TYW1B: variants seen among roughly 807,000 people sequenced by gnomAD.
The protein encoded by TYW1B is S-adenosyl-L-methionine-dependent tRNA 4-demethylwyosine synthase TYW1B.
TYW1B carries 73 observed loss-of-function variants against 86.9 expected under a neutral mutation model. That is an observed-to-expected ratio of 0.84 (90% CI 0.70 to 1.02). TYW1B has a LOEUF of 1.02. Among genes scored for constraint, TYW1B ranks in the 50% least tolerant of loss-of-function variants. The probability of loss-of-function intolerance (pLI) is 0.00; values close to 1 mark genes in which losing one functional copy is unlikely to be tolerated. For missense variants in TYW1B, 637 were observed against 827.4 expected (o/e 0.77, Z 2.82); for synonymous variants, 248 against 292.8 (o/e 0.85, Z 1.56).
intron 10 of TYW1B, among the ~76,000 whole-genome samples, chr7:72,713,038 C>T (rs1367870291): frequency 2.0e-5 from 3 of 152,072 alleles, no homozygotes; most frequent in Admixed American, 2.0e-4. Context: ...GTGGCTCACA[C>T]CTGTAATGCC....
At chr7:72,606,380 C>G (rs186323895) in intron 13 of TYW1B, among the ~76,000 whole-genome samples, 1 of 152,076 alleles carries the variant, frequency 6.6e-6, no homozygotes, top group South Asian at 2.1e-4. Context: ...CTGGTTATAA[C>G]GAGGCACCCC....
At chr7:72,733,517 CG>C (rs1787149194) in intron 8 of TYW1B, among the ~76,000 whole-genome samples, 1 of 152,004 alleles carries the variant, frequency 6.6e-6, no homozygotes, top group Non-Finnish European at 1.5e-5. Context: ...AAAAATTAGC[CG>C]GGCATGGTGG....
In TYW1B at chr7:72,683,568, T is replaced by TCAAAA. The variant is rs797023042; in HGVS notation, c.1506+11114_1506+11118dup. Reference sequence around the variant, plus strand: ...CTGAGTGACAGAGCAAGACTCCGACTCAAAACAAAACAAAACAAAACAAAA... The same window carrying TCAAAA: ...CTGAGTGACAGAGCAAGACTCCGACTCAAAACAAAACAAAACAAAACAAAACAAAA... On this transcript the variant is annotated intron_variant, in intron 11 of 13. Coordinates refer to ENST00000620995, the MANE Select transcript of TYW1B (RefSeq NM_001145440.3). 5.8e-4 allele frequency among the ~76,000 whole-genome samples: 89 copies of TCAAAA among 152,188 alleles called. 1 individual carries two copies. Among genetic ancestry groups the TCAAAA allele is most frequent in the South Asian group, 1.9e-3 (9 of 4,818 alleles).
chr7:72,760,786 G>A (rs1171604621), intron 7 of TYW1B, among the ~76,000 whole-genome samples: 1 of 152,136 alleles, frequency 6.6e-6, no homozygotes, highest in Non-Finnish European at 1.5e-5. Context: ...GTTTATATTT[G>A]TCTCTACTAG....
rs1554434911 is a variant in TYW1B at position 72,606,615 on chromosome 7, C to CCA, written c.1785+10056_1785+10057insTG. On this transcript the variant is annotated intron_variant, in intron 13 of 13. Coordinates refer to ENST00000620995, the MANE Select transcript of TYW1B (RefSeq NM_001145440.3). Reference sequence around the variant, plus strand: ...CACCCAGCAGCAATAAGGCCCCCCCCCCGCCTCCATCCTATAATGTCAGTG... The same window carrying CCA: ...CACCCAGCAGCAATAAGGCCCCCCCCCACCGCCTCCATCCTATAATGTCAGTG... 3.0e-4 allele frequency among the ~76,000 whole-genome samples: 45 copies of CCA among 149,078 alleles called. 1 individual carries two copies. The highest frequency in any genetic ancestry group is 1.7e-3 in the South Asian group (8 of 4,742).
chr7:72,584,760 T>C lies in TYW1B; in HGVS notation c.1786-9041A>G, dbSNP rs568027163. 3.3e-5 allele frequency among the ~76,000 whole-genome samples: 5 copies of C among 152,156 alleles called. No homozygotes were observed. In the East Asian group the frequency reaches 9.7e-4, roughly 29 times the overall value. On this transcript the variant is annotated intron_variant, in intron 13 of 13. Coordinates refer to ENST00000620995, the MANE Select transcript of TYW1B (RefSeq NM_001145440.3). ...CATGAGCCACCGCACCCGGCCTATA[T>C]TCCAAATTCTTAAGGTACTTCAACT...
intron 11 of TYW1B, among the ~76,000 whole-genome samples, chr7:72,669,948 TAAATAAATA>T (rs1813555584): frequency 1.3e-5 from 2 of 148,470 alleles, no homozygotes; most frequent in African/African-American, 5.0e-5. Flanking sequence ...AATAAATAAA[TAAATAAATA>T]AATAAATAAA....
intron 4 of TYW1B, among the ~76,000 whole-genome samples, chr7:72,807,894 C>G (rs1554477132): frequency 6.6e-6 from 1 of 152,044 alleles, no homozygotes; most frequent in East Asian, 1.9e-4. Flanking sequence ...TCCTGAGTGG[C>G]AAGGCATTAA....
chr7:72,590,330 A>T (rs1554431191), intron 13 of TYW1B, among the ~76,000 whole-genome samples: 1 of 152,232 alleles, frequency 6.6e-6, no homozygotes, highest in African/African-American at 2.4e-5. Flanking sequence ...ATAGGCAATA[A>T]GAACACTGTC....
chr7:72,658,435 TA>T (rs1813256623), intron 11 of TYW1B, among the ~76,000 whole-genome samples: 1 of 152,172 alleles, frequency 6.6e-6, no homozygotes, highest in Admixed American at 6.5e-5. Flanking sequence ...ATTTGTACTT[TA>T]AAAATTCAAG....
chr7:72,811,144 G>A (rs1351345498), intron 3 of TYW1B, among the ~76,000 whole-genome samples: 1 of 151,506 alleles, frequency 6.6e-6, no homozygotes, highest in Non-Finnish European at 1.5e-5. Context: ...GGTGGTGGGC[G>A]CCTGTAGTCC....
chr7:72,741,923 C>T (rs1405410058), intron 8 of TYW1B, among the ~76,000 whole-genome samples: 1 of 152,144 alleles, frequency 6.6e-6, no homozygotes, highest in Non-Finnish European at 1.5e-5. Flanking sequence ...GACATTAAGA[C>T]ACTGACAAAT....
At chr7:72,769,847 G>A (rs1265308255) in intron 7 of TYW1B, among the ~76,000 whole-genome samples, 7 of 151,670 alleles carry the variant, frequency 4.6e-5, no homozygotes, top group African/African-American at 1.2e-4. Flanking sequence ...TGAGGCATGT[G>A]GATCACTTGA....
intron 13 of TYW1B, among the ~76,000 whole-genome samples, chr7:72,611,233 T>C (rs1175809292): frequency 1.3e-4 from 20 of 151,550 alleles, no homozygotes; most frequent in African/African-American, 4.6e-4. Context: ...CATTCTTCCA[T>C]CATAGCTCTG....
chr7:72,702,986 CTATATATATATATATATA>C (rs371144509), intron 10 of TYW1B, among the ~76,000 whole-genome samples: 3 of 36,314 alleles, frequency 8.3e-5, no homozygotes, highest in Non-Finnish European at 1.7e-4. Flanking sequence ...ATCTATCTAT[CTATATATATATATATATA>C]TATATATATA....
intron 13 of TYW1B, among the ~76,000 whole-genome samples, chr7:72,603,713 C>T (rs1218349703): frequency 2.0e-5 from 3 of 148,648 alleles, no homozygotes; most frequent in Non-Finnish European, 3.0e-5. Flanking sequence ...AGGTGCGTGT[C>T]CTTGACATGA....
chr7:72,650,684 C>T (rs1389554385), intron 11 of TYW1B, among the ~76,000 whole-genome samples: 1 of 152,108 alleles, frequency 6.6e-6, no homozygotes, highest in Admixed American at 6.5e-5. Context: ...AGGAATTGGA[C>T]CTAGCTGCCT....
At chr7:72,769,832 G>C (rs1202740173) in intron 7 of TYW1B, among the ~76,000 whole-genome samples, 1 of 152,218 alleles carries the variant, frequency 6.6e-6, no homozygotes, top group African/African-American at 2.4e-5. Context: ...AGCACTTTGG[G>C]AGGCTGAGGC....
intron 4 of TYW1B, 46 bp from the exon 5 acceptor site, chr7:72,807,402 A>G (rs781818191): frequency 6.3e-6 from 10 of 1,578,424 alleles, no homozygotes; most frequent in East Asian, 2.2e-5. Context: ...TCTCTAAATC[A>G]GGGTTTTCCA....
Sources: gnomAD v4.1 joint callset for allele counts (sites outside exome capture counted in the v4.1 genomes callset) on GRCh38, gnomAD v4.1.1 for gene constraint, MANE v1.5 for transcripts, NCBI Gene and HGNC (gene_info 2026-07-23, HGNC 2026-07-21) for gene names.